Variants in ELAPOR1 observed in about 807,000 individuals in gnomAD.
ELAPOR1 encodes endosome/lysosome-associated apoptosis and autophagy regulator 1.
ELAPOR1 carries 77 observed loss-of-function variants against 119.7 expected under a neutral mutation model. That is an observed-to-expected ratio of 0.64 (90% CI 0.54 to 0.78). The LOEUF is 0.78. Among genes scored for constraint, ELAPOR1 ranks in the 30% least tolerant of loss-of-function variants. ELAPOR1 has a pLI of 0.00. For synonymous variants in ELAPOR1, 481 were observed against 487.2 expected (o/e 0.99, Z 0.17); for missense variants, 1,115 against 1,270.4 (o/e 0.88, Z 1.86).
rs1570741276 is a variant in ELAPOR1, at chr1:109,203,174, A to C, written c.*162A>C. The C allele has an allele frequency of 3.5e-6, 2 of 568,536 alleles. No individual in the cohort carries two copies. The highest frequency in any genetic ancestry group is 2.5e-5 in the South Asian group (1 of 40,612). The allele number at this position is 568,536 out of a possible 1,614,324, so 35.2% of individuals were successfully genotyped here. ...AGATCTTTTTTTATAGAGTACCCAA[A>C]CCCTCCTTTCTGCTTGCCTCAAACC... On this transcript the variant is annotated 3_prime_UTR_variant, in exon 22 of 22. Coordinates refer to ENST00000369939, the MANE Select transcript of ELAPOR1 (RefSeq NM_020775.5).
At chr1:109,142,873 A>T (rs1251024924) in intron 1 of ELAPOR1, among the ~76,000 whole-genome samples, 1 of 152,244 alleles carries the variant, frequency 6.6e-6, no homozygotes, top group Admixed American at 6.5e-5. Flanking sequence ...CATTATTCAT[A>T]ATAGCCGAAA....
chr1:109,185,259 G>A, intron 8 of ELAPOR1, 126 bp downstream of exon 8: 1 of 730,130 alleles, frequency 1.4e-6, no homozygotes, highest in Non-Finnish European at 2.4e-6. Context: ...ACAGACCTTT[G>A]AGGTGACCCT....
chr1:109,188,420 A>T, intron 9 of ELAPOR1, 66 bp downstream of exon 9: 4 of 1,505,790 alleles, frequency 2.7e-6, no homozygotes, highest in Non-Finnish European at 3.6e-6. Flanking sequence ...GTGGGCACTA[A>T]CAGTGGCCAG....
At chr1:109,147,097 G>A (rs916915908) in intron 1 of ELAPOR1, among the ~76,000 whole-genome samples, 1 of 144,078 alleles carries the variant, frequency 6.9e-6, no homozygotes, top group African/African-American at 2.6e-5. Context: ...TGTATTTTTA[G>A]TAGAGATGGG....
rs753155769 is a variant in ELAPOR1, at chr1:109,172,532, G to T, written c.660G>T (p.Trp220Cys). The change falls in exon 5 of 22, where the codon TGG becomes TGT. Residue 220 changes from tryptophan to cysteine, a missense_variant. By Grantham distance (215) the Trp-to-Cys change is radical (BLOSUM62 -2). Coordinates refer to ENST00000369939, the MANE Select transcript of ELAPOR1 (RefSeq NM_020775.5). Reference protein sequence around the residue: ...QCQPNADDSRWMKTTEKGWEF... With the variant: ...QCQPNADDSRCMKTTEKGWEF... ...AGCCCAATGCAGATGACTCCAGGTGGATGAAGACCACAGAGAAAGGATGGG... is the reference window on the plus strand; with the variant it reads ...AGCCCAATGCAGATGACTCCAGGTGTATGAAGACCACAGAGAAAGGATGGG... 2 of 1,613,772 alleles carry T rather than the reference G, an allele frequency of 1.2e-6. No individual in the cohort carries two copies. Among genetic ancestry groups the T allele is most frequent in the Non-Finnish European group, 1.7e-6 (2 of 1,179,830 alleles).
chr1:109,196,486 G>T (rs927221261), intron 15 of ELAPOR1, among the ~76,000 whole-genome samples: 3 of 152,182 alleles, frequency 2.0e-5, no homozygotes, highest in African/African-American at 7.2e-5. Context: ...TGAAGGTGGG[G>T]AATTTGGGGA....
At chr1:109,202,647 G>T (rs1256326668) in intron 21 of ELAPOR1, among the ~76,000 whole-genome samples, 2 of 151,858 alleles carry the variant, frequency 1.3e-5, no homozygotes, top group African/African-American at 2.4e-5. Context: ...CACCATGTTG[G>T]TCAGGCTGGT....
chr1:109,197,430 A>G (rs766233010), intron 15 of ELAPOR1, 44 bp from the exon 16 acceptor site: 5 of 1,569,624 alleles, frequency 3.2e-6, no homozygotes, highest in South Asian at 2.3e-5. Context: ...TTCCTCTGTG[A>G]CCACTCACTT....
chr1:109,117,163 C>G (rs1263226873), intron 1 of ELAPOR1, among the ~76,000 whole-genome samples: 3 of 152,206 alleles, frequency 2.0e-5, no homozygotes, highest in African/African-American at 4.8e-5. Flanking sequence ...AGAGGTTTAG[C>G]TTGAGGCCTA....
At chr1:109,180,508 T>TA (rs5776964) in intron 7 of ELAPOR1, among the ~76,000 whole-genome samples, 1 of 150,530 alleles carries the variant, frequency 6.6e-6, no homozygotes, top group African/African-American at 2.4e-5. Context: ...CCCATCTCTT[T>TA]AAAAAAAAAA....
chr1:109,118,839 G>A (rs1558011880), intron 1 of ELAPOR1, among the ~76,000 whole-genome samples: 3 of 151,584 alleles, frequency 2.0e-5, no homozygotes, highest in Non-Finnish European at 4.4e-5. Context: ...CCTTTGGCAC[G>A]CTACTTCACT....
chr1:109,200,711 C>T lies in ELAPOR1; in HGVS notation c.2808-24C>T, dbSNP rs749733730. The T allele has an allele frequency of 7.5e-6, 12 of 1,607,382 alleles. No homozygotes were observed. The South Asian group carries it at 1.3e-4, about 18-fold the overall frequency. ...TTATTCCCACATTTTGGGATCTTGT[C>T]TTTCCCATCCTCCTGTTTTATAGAC... On this transcript the variant is annotated intron_variant, in intron 20 of 21. Transcript: ENST00000369939.
chr1:109,172,537 A>C lies in ELAPOR1; in HGVS notation c.665A>C (p.Lys222Thr). ...AATGCAGATGACTCCAGGTGGATGA[A>C]GACCACAGAGAAAGGATGGGAATTC... Reference protein sequence around the residue: ...QPNADDSRWMKTTEKGWEFHS... With the variant: ...QPNADDSRWMTTTEKGWEFHS... Residue 222 changes from lysine to threonine, a missense_variant, in exon 5 of 22, where the codon AAG (lysine) becomes ACG (threonine). Lys to Thr is a moderately conservative substitution (Grantham distance 78). Transcript: ENST00000369939. The C allele has an allele frequency of 6.2e-7, 1 of 1,613,838 alleles. No homozygotes were observed. The highest frequency in any genetic ancestry group is 1.3e-5 in the African/African-American group (1 of 75,026).
At chr1:109,186,422 TA>T in intron 8 of ELAPOR1, 1 of 873,042 alleles carries the variant, frequency 1.1e-6, no homozygotes, top group Non-Finnish European at 1.4e-6. Context: ...TTAGGGAGCA[TA>T]AACATTTGCT....
intron 11 of ELAPOR1, 149 bp downstream of exon 11, chr1:109,189,831 G>A (rs1653315553): frequency 1.2e-5 from 8 of 664,308 alleles, no homozygotes; most frequent in South Asian, 5.2e-5. Context: ...CAGTTTGACC[G>A]AGGTAACCCA....
intron 1 of ELAPOR1, among the ~76,000 whole-genome samples, chr1:109,157,957 G>A (rs572130445): frequency 5.8e-4 from 88 of 152,170 alleles, no homozygotes; most frequent in African/African-American, 2.0e-3. Context: ...GTACAATCAC[G>A]GCTCACTGCA....
intron 6 of ELAPOR1, 54 bp from the exon 7 acceptor site, chr1:109,173,634 G>A (rs553571519): frequency 6.2e-7 from 1 of 1,611,650 alleles, no homozygotes. Flanking sequence ...AGTCTCCTGG[G>A]GACTCAGTCT....
At chr1:109,127,816 G>A (rs975198906) in intron 1 of ELAPOR1, among the ~76,000 whole-genome samples, 21 of 151,352 alleles carry the variant, frequency 1.4e-4, no homozygotes, top group Non-Finnish European at 8.8e-5. Flanking sequence ...CTCCCACCTT[G>A]GCCTTCCAAA....
At chr1:109,124,348 G>A (rs966855699) in intron 1 of ELAPOR1, among the ~76,000 whole-genome samples, 6 of 151,268 alleles carry the variant, frequency 4.0e-5, no homozygotes, top group African/African-American at 9.7e-5. Context: ...CTCCTGCCTC[G>A]GCCTCCCAAG....
Sources: gnomAD v4.1 joint callset for allele counts (sites outside exome capture counted in the v4.1 genomes callset) on GRCh38, gnomAD v4.1.1 for gene constraint, MANE v1.5 for transcripts, NCBI Gene and HGNC (gene_info 2026-07-23, HGNC 2026-07-21) for gene names.